The following SLC8B1 variants were observed in gnomAD, a reference collection of about 807,000 sequenced individuals.
The protein encoded by SLC8B1 is solute carrier family 8 member B1.
Under a neutral mutation model 63.4 loss-of-function variants are expected in SLC8B1, and 52 were observed. The ratio of observed to expected loss-of-function variants is 0.82; its 90% CI spans 0.66 to 1.03. The LOEUF (loss-of-function observed/expected upper bound fraction) is 1.03. SLC8B1 is among the 50% of genes least tolerant of loss of function. The pLI is 0.00. For synonymous variants in SLC8B1, 336 were observed against 323.9 expected, an observed-to-expected ratio of 1.04 and a Z score of -0.40; for missense variants, 657 against 741.7, an observed-to-expected ratio of 0.89 and a Z score of 1.33.
intron 12 of SLC8B1, 91 bp downstream of exon 12, chr12:113,310,142 TG>T: frequency 1.3e-6 from 2 of 1,481,530 alleles, no homozygotes; most frequent in Non-Finnish European, 1.8e-6. Flanking sequence ...CTGATCAAAC[TG>T]GTCAAAGTGC....
In SLC8B1 at chr12:113,318,211, A is replaced by C. The variant is rs185399871; in HGVS notation, c.802+753T>G. Among the ~76,000 whole-genome samples, 7 of 143,424 alleles carry C rather than the reference A, an allele frequency of 4.9e-5. No homozygotes were observed. The East Asian group carries it at 1.2e-3, about 24-fold the overall frequency. 94.1% of individuals were successfully genotyped at this position (143,424 alleles called of 152,430 possible). A position where few individuals can be genotyped will look rare whatever the true frequency, so the allele number is the denominator to read the frequency against. On this transcript the variant is annotated intron_variant, in intron 8 of 15. Coordinates refer to ENST00000680972, the MANE Select transcript of SLC8B1 (RefSeq NM_001358345.2). ...GTTGCACATGTATGTGCATGTATTC[A>C]TATATGTGTTGTATGTACACATTTG... is the stretch of plus-strand genomic sequence containing the variant.
In SLC8B1 at chr12:113,320,494, A is replaced by C. The variant is rs1956908050; in HGVS notation, c.531T>G (p.Ala177=). ...AGLALGALFG[A]GVLVTTVVAG... ...CCACCACTGTGGTAACCAGCACGCC[A>C]GCGCCTGGGGGGAGGAGGCCAGAGC... The change falls in exon 7 of 16, where the codon GCT becomes GCG. Residue 177 remains alanine, a synonymous_variant. Coordinates refer to ENST00000680972, the MANE Select transcript of SLC8B1 (RefSeq NM_001358345.2). This position sits in a 1 kb window ranked among gnomAD's most constrained non-coding sequence, Gnocchi z 5.3. 1 of 1,614,100 alleles carries C rather than the reference A, an allele frequency of 6.2e-7. No homozygotes were observed. The highest frequency in any genetic ancestry group is 1.3e-5 in the African/African-American group (1 of 75,048).
In SLC8B1 at chr12:113,299,420, G is replaced by A. The variant is rs16934253; in HGVS notation, c.*357C>T. 34,250 of 265,446 alleles carry A rather than the reference G, an allele frequency of 0.13. 3,168 individuals carry two copies. The highest frequency in any genetic ancestry group is 0.29 in the African/African-American group (13,284 of 46,060). The allele number at this position is 265,446 out of a possible 1,614,324, so 16.4% of individuals were successfully genotyped here. A position where few individuals can be genotyped will look rare whatever the true frequency, so the allele number is the denominator to read the frequency against. On this transcript the variant is annotated 3_prime_UTR_variant, in exon 16 of 16. Transcript: ENST00000680972. ...GGGGAACGGGCAGTGCCTGTGCCTC[G>A]GGGGTACCTCCAGCATGGCCTGGAG...
At chr12:113,314,112 C>T (rs922957937) in intron 11 of SLC8B1, among the ~76,000 whole-genome samples, 24 of 152,378 alleles carry the variant, frequency 1.6e-4, no homozygotes, top group East Asian at 1.5e-3. Context: ...AAGGCTTCCC[C>T]GCTCCGTAGA....
intron 11 of SLC8B1, among the ~76,000 whole-genome samples, chr12:113,314,689 C>CAGGG (rs1956811452): frequency 6.6e-6 from 1 of 152,310 alleles, no homozygotes; most frequent in South Asian, 2.1e-4. Context: ...TGCCCCTTCT[C>CAGGG]TGCTCCAGCC....
At chr12:113,318,704 C>T (rs910017096) in intron 8 of SLC8B1, among the ~76,000 whole-genome samples, 2 of 152,164 alleles carry the variant, frequency 1.3e-5, no homozygotes, top group Admixed American at 6.6e-5. Flanking sequence ...GGGCAGGGAG[C>T]AGTGGCGATT....
chr12:113,333,598 C>T (rs937921698), intron 1 of SLC8B1, among the ~76,000 whole-genome samples: 1 of 152,192 alleles, frequency 6.6e-6, no homozygotes, highest in Non-Finnish European at 1.5e-5. Context: ...TTGTTTCCCC[C>T]CTGCATCACG....
rs1387750713 is a variant in SLC8B1 at position 113,315,486 on chromosome 12, G to A, written c.994-10C>T. The A allele has an allele frequency of 6.4e-7, 1 of 1,570,994 alleles. No individual in the cohort carries two copies. Among genetic ancestry groups the A allele is most frequent in the South Asian group, 1.2e-5 (1 of 85,330 alleles). On this transcript the variant is annotated splice_polypyrimidine_tract_variant and intron_variant, in intron 10 of 15. Transcript: ENST00000680972. ...GGAACTCCACAGGCAGCTGTCAAGG[G>A]GGCAAAAGTGGGAGGGTGTCGGCAG...
At chr12:113,333,273 G>T (rs532494912) in intron 1 of SLC8B1, among the ~76,000 whole-genome samples, 143 of 144,858 alleles carry the variant, frequency 9.9e-4, no homozygotes, top group African/African-American at 3.8e-3. Flanking sequence ...AGAGTCTCAG[G>T]CTTCTGGGGC....
intron 8 of SLC8B1, among the ~76,000 whole-genome samples, chr12:113,317,788 T>C (rs1956854218): frequency 6.6e-6 from 1 of 152,058 alleles, no homozygotes; most frequent in Non-Finnish European, 1.5e-5. Flanking sequence ...GTGTGTTGTG[T>C]ATGTGAGTGT....
chr12:113,331,379 T>G (rs1421392593), intron 2 of SLC8B1, among the ~76,000 whole-genome samples: 4 of 134,646 alleles, frequency 3.0e-5, no homozygotes, highest in African/African-American at 1.2e-4. Context: ...AGAGTGAGAC[T>G]GTTCTCGAAA....
At chr12:113,319,624 T>C (rs1956892045) in intron 7 of SLC8B1, among the ~76,000 whole-genome samples, 2 of 152,138 alleles carry the variant, frequency 1.3e-5, no homozygotes, top group African/African-American at 4.8e-5. Flanking sequence ...TGCTGGCCCC[T>C]GAGTATCTCG....
chr12:113,306,326 A>T (rs1404075314), intron 14 of SLC8B1, among the ~76,000 whole-genome samples, 169 bp downstream of exon 14: 1 of 152,080 alleles, frequency 6.6e-6, no homozygotes, highest in Non-Finnish European at 1.5e-5. Context: ...CTTGGAGGTT[A>T]GCACTCCCCA....
chr12:113,317,046 C>T (rs758267537), intron 8 of SLC8B1, 45 bp from the exon 9 acceptor site: 1 of 1,562,328 alleles, frequency 6.4e-7, no homozygotes, highest in Non-Finnish European at 8.8e-7. Flanking sequence ...AGACCATTTT[C>T]GAGGGGGCAC....
rs149181876 is a variant in SLC8B1 at position 113,332,655 on chromosome 12, T to G, written c.156+68A>C. ...TCAGTGCCTGGCACATAGTAGATGC[T>G]CAATAGATATTTATCGATTGGAGGA... On this transcript the variant is annotated intron_variant, in intron 2 of 15. Coordinates refer to ENST00000680972, the MANE Select transcript of SLC8B1 (RefSeq NM_001358345.2). 1,807 of 1,516,034 alleles carry G rather than the reference T, an allele frequency of 1.2e-3. 20 individuals carry two copies. In the African/African-American group the frequency reaches 0.023, roughly 19 times the overall value. 93.9% of individuals were successfully genotyped at this position (1,516,034 alleles called of 1,614,324 possible).
At chr12:113,311,499 C>T (rs1397159813) in intron 11 of SLC8B1, among the ~76,000 whole-genome samples, 1 of 151,130 alleles carries the variant, frequency 6.6e-6, no homozygotes, top group Non-Finnish European at 1.5e-5. Flanking sequence ...GGGCACCTGT[C>T]GTCCCAGCTA....
At chr12:113,310,949 C>G (rs1474662230) in intron 11 of SLC8B1, among the ~76,000 whole-genome samples, 2 of 152,210 alleles carry the variant, frequency 1.3e-5, no homozygotes, top group African/African-American at 4.8e-5. Context: ...TGTTCATATA[C>G]CTGCATCAAG....
intron 2 of SLC8B1, among the ~76,000 whole-genome samples, chr12:113,331,600 AG>A (rs969750147): frequency 4.6e-5 from 7 of 152,024 alleles, no homozygotes; most frequent in African/African-American, 1.7e-4. Context: ...CAAGTTCTTC[AG>A]CTTTGGGACT....
chr12:113,303,041 A>C (rs563731985), intron 15 of SLC8B1, among the ~76,000 whole-genome samples: 1 of 149,752 alleles, frequency 6.7e-6, no homozygotes, highest in South Asian at 2.1e-4. Flanking sequence ...TAAACTCAGC[A>C]CAAAGGTGGT....
Sources: gnomAD v4.1 joint callset for allele counts (sites outside exome capture counted in the v4.1 genomes callset) on GRCh38, gnomAD v4.1.1 for gene constraint, Gnocchi (gnomAD v3.1) non-coding constraint, MANE v1.5 for transcripts, NCBI Gene and HGNC (gene_info 2026-07-23, HGNC 2026-07-21) for gene names.